The following TGFBR3 variants were observed in gnomAD, a reference collection of about 807,000 sequenced individuals.
The protein encoded by TGFBR3 is transforming growth factor beta receptor 3, also known as transforming growth factor beta receptor type 3.
In TGFBR3, 46 loss-of-function variants were observed where a neutral mutation model predicts 87.9. The ratio of observed to expected loss-of-function variants is 0.52; its 90% confidence interval spans 0.41 to 0.67. The LOEUF (loss-of-function observed/expected upper bound fraction) is 0.67, where lower values mean the gene tolerates loss of function less well. Among genes scored for constraint, TGFBR3 ranks in the 30% least tolerant of loss-of-function variants. TGFBR3 has a pLI of 0.00. For synonymous variants in TGFBR3, 381 were observed against 391.6 expected (o/e 0.97, Z 0.32); for missense variants, 866 against 1,041.9 (o/e 0.83, Z 2.32).
intron 2 of TGFBR3, among the ~76,000 whole-genome samples, chr1:91,830,505 T>G (rs1676816636): frequency 6.6e-6 from 1 of 152,106 alleles, no homozygotes; most frequent in Non-Finnish European, 1.5e-5. Context: ...AGCTGCTAAA[T>G]AACAGAGGTC....
intron 2 of TGFBR3, among the ~76,000 whole-genome samples, chr1:91,860,209 C>T (rs1678127382): frequency 6.6e-6 from 1 of 152,200 alleles, no homozygotes; most frequent in Non-Finnish European, 1.5e-5. Context: ...TTAATTCTAC[C>T]TCCAAGTTGT....
intron 16 of TGFBR3, 33 bp downstream of exon 16, chr1:91,695,639 G>T: frequency 6.5e-7 from 1 of 1,548,718 alleles, no homozygotes; most frequent in Non-Finnish European, 8.9e-7. Context: ...AACACAAGCT[G>T]TTCACCAACT....
At chr1:91,895,297 A>T (rs1211233387) in intron 2 of TGFBR3, among the ~76,000 whole-genome samples, 2 of 151,900 alleles carry the variant, frequency 1.3e-5, no homozygotes, top group African/African-American at 4.8e-5. Flanking sequence ...AGTGTGCAGC[A>T]TCTCTCCCCT....
At chr1:91,881,971 G>A (rs1033318615) in intron 1 of TGFBR3, among the ~76,000 whole-genome samples, 9 of 151,582 alleles carry the variant, frequency 5.9e-5, no homozygotes, top group East Asian at 2.0e-4. Context: ...CCTGGGAGGC[G>A]GAGGTTGCAG....
At chr1:91,785,002 C>T (rs1674904434) in intron 3 of TGFBR3, among the ~76,000 whole-genome samples, 1 of 152,226 alleles carries the variant, frequency 6.6e-6, no homozygotes, top group Admixed American at 6.5e-5. Flanking sequence ...TCAACTCTGC[C>T]ACAGTAGTGA....
intron 2 of TGFBR3, among the ~76,000 whole-genome samples, chr1:91,813,789 G>A (rs994169766): frequency 2.0e-5 from 3 of 152,212 alleles, no homozygotes; most frequent in Non-Finnish European, 4.4e-5. Context: ...CCAGGGACTG[G>A]TTTCATGGAA....
intron 2 of TGFBR3, among the ~76,000 whole-genome samples, chr1:91,848,540 A>T (rs907027074): frequency 2.7e-4 from 41 of 152,350 alleles, no homozygotes; most frequent in African/African-American, 9.6e-4. Context: ...AAATATATTT[A>T]AAAGTGATTA....
chr1:91,811,568 G>A (rs979898902), intron 2 of TGFBR3, among the ~76,000 whole-genome samples: 3 of 152,126 alleles, frequency 2.0e-5, no homozygotes, highest in Non-Finnish European at 2.9e-5. Context: ...ATTTTGCTGT[G>A]TCGGGTCAAT....
chr1:91,711,238 C>T (rs1671973454), intron 13 of TGFBR3, among the ~76,000 whole-genome samples: 1 of 152,172 alleles, frequency 6.6e-6, no homozygotes, highest in African/African-American at 2.4e-5. Context: ...TATATGTGCT[C>T]CCCAATGATT....
chr1:91,888,228 C>T (rs17883738), upstream of TGFBR3, among the ~76,000 whole-genome samples: 2 of 152,202 alleles, frequency 1.3e-5, no homozygotes, highest in African/African-American at 2.4e-5. Context: ...ATTGTGAGGT[C>T]TCCCCAGCCA....
At chr1:91,782,510 G>A (rs1162563367) in intron 3 of TGFBR3, among the ~76,000 whole-genome samples, 1 of 152,108 alleles carries the variant, frequency 6.6e-6, no homozygotes, top group Non-Finnish European at 1.5e-5. Context: ...GGAAAGCACT[G>A]CTTGCACATC....
chr1:91,730,022 C>T lies in TGFBR3; in HGVS notation c.569-49G>A, dbSNP rs552460680. 3.7e-6 allele frequency: 6 copies of T among 1,607,430 alleles called. No individual in the cohort carries two copies. The South Asian group carries it at 5.5e-5, about 15-fold the overall frequency. ...GTCAAACCACTGAGGTACTCGGTAA[C>T]CAGATTCAAAGGAAGGAGGGTGACA... On this transcript the variant is annotated intron_variant, in intron 5 of 16. Transcript: ENST00000212355.
rs565188863 is a variant in TGFBR3 at position 91,826,638 on chromosome 1, C to T, written c.62-29167G>A. 5.3e-5 allele frequency among the ~76,000 whole-genome samples: 8 copies of T among 152,064 alleles called. No individual in the cohort carries two copies. In the South Asian group the frequency reaches 1.7e-3, roughly 32 times the overall value. Reference sequence around the variant, plus strand: ...TGACAGCCATTCCTAAGCACCAGCACATCCTTCTTCAGCTGAAGATGACCC... The same window carrying T: ...TGACAGCCATTCCTAAGCACCAGCATATCCTTCTTCAGCTGAAGATGACCC... On this transcript the variant is annotated intron_variant, in intron 2 of 16. Transcript: ENST00000212355.
chr1:91,720,872 C>A (rs1672346000), intron 8 of TGFBR3, among the ~76,000 whole-genome samples: 1 of 152,166 alleles, frequency 6.6e-6, no homozygotes, highest in African/African-American at 2.4e-5. Context: ...TTTTTGACAG[C>A]TAAATTTTAA....
chr1:91,730,534 C>T (rs994556283), intron 5 of TGFBR3, among the ~76,000 whole-genome samples: 16 of 152,152 alleles, frequency 1.1e-4, no homozygotes, highest in African/African-American at 3.9e-4. Flanking sequence ...TTGACTTATA[C>T]TGTCATCTGT....
intron 2 of TGFBR3, among the ~76,000 whole-genome samples, chr1:91,834,702 A>C (rs1676994277): frequency 6.6e-6 from 1 of 152,148 alleles, no homozygotes; most frequent in Non-Finnish European, 1.5e-5. Context: ...TTTTTAAGAC[A>C]GAGTCTTGCT....
At position 91,769,636 on chromosome 1, in the gene TGFBR3, G is replaced by GT. The variant is rs202141219; in HGVS notation, c.247-10887dup. Among the ~76,000 whole-genome samples, 156 of 150,946 alleles carry GT rather than the reference G, an allele frequency of 1.0e-3. 3 individuals carry two copies. In the East Asian group the frequency reaches 0.013, roughly 13 times the overall value. ...AGAAGGATAAGGGAGCTGTGTTTTT[G>GT]TTTTTTTTGTTTTTTTTTTTAATAC... is the stretch of plus-strand genomic sequence containing the variant. On this transcript the variant is annotated intron_variant, in intron 3 of 16. Transcript: ENST00000212355.
At chr1:91,882,416 C>T (rs1463446187) in intron 1 of TGFBR3, among the ~76,000 whole-genome samples, 5 of 151,334 alleles carry the variant, frequency 3.3e-5, no homozygotes, top group South Asian at 2.1e-4. Context: ...GGATTACAGG[C>T]GTGAGCCACC....
At chr1:91,747,038 C>T (rs571420435) in intron 4 of TGFBR3, among the ~76,000 whole-genome samples, 102 of 152,332 alleles carry the variant, frequency 6.7e-4, no homozygotes, top group African/African-American at 2.4e-3. Flanking sequence ...GTGCATGTCA[C>T]ATGGATTCTG....
Sources: gnomAD v4.1 joint callset for allele counts (sites outside exome capture counted in the v4.1 genomes callset) on GRCh38, gnomAD v4.1.1 for gene constraint, MANE v1.5 for transcripts, NCBI Gene and HGNC (gene_info 2026-07-23, HGNC 2026-07-21) for gene names.